The following SCAPER variants were observed in gnomAD, a reference collection of about 807,000 sequenced individuals.
SCAPER encodes S phase cyclin A-associated protein in the endoplasmic reticulum.
Under a neutral mutation model 182.2 loss-of-function variants are expected in SCAPER, and 98 were observed. The observed-to-expected ratio is 0.54, with a 90% CI of 0.46 to 0.64. The LOEUF is 0.64. Ranked by LOEUF, SCAPER falls within the 30% of genes least tolerant of loss-of-function variation. The probability of loss-of-function intolerance (pLI) is 0.00; values close to 1 mark genes in which losing one functional copy is unlikely to be tolerated. For missense variants in SCAPER, 1,432 were observed against 1,690.0 expected (o/e 0.85, Z 2.68); for synonymous variants, 605 against 564.6 (o/e 1.07, Z -1.01).
intron 5 of SCAPER, among the ~76,000 whole-genome samples, chr15:76,832,562 TTA>T (rs1459792394): frequency 6.6e-6 from 1 of 152,220 alleles, no homozygotes; most frequent in Admixed American, 6.5e-5. Context: ...ATTTGAGGAA[TTA>T]TACGGTTGGA....
intron 21 of SCAPER, among the ~76,000 whole-genome samples, chr15:76,661,155 C>T (rs2056122582): frequency 6.6e-6 from 1 of 152,054 alleles, no homozygotes; most frequent in African/African-American, 2.4e-5. Context: ...AAAATCCCAA[C>T]AGGCTTTCTT....
At chr15:76,659,830 G>A (rs1259047148) in intron 21 of SCAPER, among the ~76,000 whole-genome samples, 1 of 152,178 alleles carries the variant, frequency 6.6e-6, no homozygotes, top group East Asian at 1.9e-4. Context: ...ATTGTGCAGA[G>A]CAGTCTGTAG....
chr15:76,832,809 T>G (rs1246092588), intron 5 of SCAPER, among the ~76,000 whole-genome samples: 1 of 152,188 alleles, frequency 6.6e-6, no homozygotes, highest in African/African-American at 2.4e-5. Context: ...CCGTTTTGCC[T>G]TCTGCCATGA....
At position 76,434,326 on chromosome 15, in the gene SCAPER, G is replaced by A; in HGVS notation, c.3079-16C>T. 1 of 1,558,046 alleles carries A rather than the reference G, an allele frequency of 6.4e-7. No homozygotes were observed. Among genetic ancestry groups the A allele is most frequent in the Non-Finnish European group, 8.8e-7 (1 of 1,138,380 alleles). The stretch of plus-strand genomic sequence containing the variant: ...GAACATAAACCTAGATGAAAAAAAA[G>A]TACAGTAAATATGTTTCAATAAAAC... On this transcript the variant is annotated splice_polypyrimidine_tract_variant and intron_variant, in intron 25 of 31. Transcript: ENST00000563290.
At chr15:76,542,027 G>A (rs12594541) in intron 23 of SCAPER, among the ~76,000 whole-genome samples, 70,962 of 151,992 alleles carry the variant, frequency 0.47, 18,072 homozygotes, top group Middle Eastern at 0.63. Flanking sequence ...AAGCTATTTC[G>A]GAAAAATCTG....
intron 24 of SCAPER, among the ~76,000 whole-genome samples, chr15:76,496,763 A>AT (rs1489438244): frequency 1.3e-5 from 2 of 152,150 alleles, no homozygotes; most frequent in East Asian, 3.8e-4. Flanking sequence ...AACGGTGGGC[A>AT]TTTATTCATT....
intron 25 of SCAPER, among the ~76,000 whole-genome samples, chr15:76,449,851 G>T (rs2048254339): frequency 6.6e-6 from 1 of 152,126 alleles, no homozygotes; most frequent in Non-Finnish European, 1.5e-5. Context: ...TGGAACAGCT[G>T]ATCTTTACTT....
intron 24 of SCAPER, 22 bp from the exon 25 acceptor site, chr15:76,471,357 C>T (rs1226901258): frequency 6.3e-7 from 1 of 1,586,700 alleles, no homozygotes; most frequent in Admixed American, 1.8e-5. Flanking sequence ...AGAAAAACAC[C>T]ATTTATAAAA....
rs1310361974 is a variant in SCAPER at position 76,592,314 on chromosome 15, C to G, written c.2712-18030G>C. Among the ~76,000 whole-genome samples, 2 of 66,394 alleles carry G rather than the reference C, an allele frequency of 3.0e-5. 1 individual carries two copies. Among genetic ancestry groups the G allele is most frequent in the African/African-American group, 6.3e-5 (2 of 31,992 alleles). 43.6% of individuals were successfully genotyped at this position (66,394 alleles called of 152,430 possible). On this transcript the variant is annotated intron_variant, in intron 22 of 31. Coordinates refer to ENST00000563290, the MANE Select transcript of SCAPER (RefSeq NM_020843.4). Reference sequence around the variant, plus strand: ...ATGTAATTGTTAAAGCAGAGTTAGGCCAACTACAGCCCACAGCCCACTGCT... The same window carrying G: ...ATGTAATTGTTAAAGCAGAGTTAGGGCAACTACAGCCCACAGCCCACTGCT...
At chr15:76,823,039 G>C (rs144117227) in intron 5 of SCAPER, among the ~76,000 whole-genome samples, 215 of 152,226 alleles carry the variant, frequency 1.4e-3, no homozygotes, top group African/African-American at 5.1e-3. Context: ...AAAATGTCAA[G>C]CAGCTATAAA....
At chr15:76,669,041 T>C (rs145509794) in intron 20 of SCAPER, among the ~76,000 whole-genome samples, 2 of 152,230 alleles carry the variant, frequency 1.3e-5, no homozygotes, top group Admixed American at 6.5e-5. Context: ...GCCAAAACCA[T>C]GACTGAGTGA....
chr15:76,533,670 T>C (rs1377305585), intron 23 of SCAPER, among the ~76,000 whole-genome samples: 5 of 151,840 alleles, frequency 3.3e-5, no homozygotes, highest in African/African-American at 1.2e-4. Context: ...ATGTTAAAAT[T>C]ATTACACATT....
At chr15:76,545,326 C>T (rs1014752729) in intron 23 of SCAPER, among the ~76,000 whole-genome samples, 5 of 152,108 alleles carry the variant, frequency 3.3e-5, no homozygotes, top group Non-Finnish European at 7.4e-5. Flanking sequence ...CTGGCTCATC[C>T]TGAACATTCT....
intron 1 of SCAPER, among the ~76,000 whole-genome samples, chr15:76,902,355 G>T (rs2152633373): frequency 6.6e-6 from 1 of 152,342 alleles, no homozygotes; most frequent in Non-Finnish European, 1.5e-5. Context: ...GCCAAGGGGA[G>T]CATGGGCTGA....
chr15:76,677,420 A>G (rs1368269254), intron 20 of SCAPER, among the ~76,000 whole-genome samples: 3 of 152,080 alleles, frequency 2.0e-5, no homozygotes, highest in Non-Finnish European at 4.4e-5. Flanking sequence ...TCTGCAACTC[A>G]TGACTGACTG....
Position 76,833,874 on chromosome 15 carries a change from AC to A in SCAPER, c.393+7859del, listed in dbSNP as rs1206374987. Among the ~76,000 whole-genome samples the A allele has an allele frequency of 3.3e-5, 5 of 152,326 alleles. No individual in the cohort carries two copies. The East Asian group carries it at 9.6e-4, about 29-fold the overall frequency. On this transcript the variant is annotated intron_variant, in intron 5 of 31. Transcript: ENST00000563290. The stretch of plus-strand genomic sequence containing the variant: ...AGATTCATGACATAAGTTCTCAGAG[AC>A]CTATGAAGAGACTTAGATAACCACA...
chr15:76,532,961 T>G (rs190821439), intron 23 of SCAPER, among the ~76,000 whole-genome samples: 457 of 152,346 alleles, frequency 3.0e-3, no homozygotes, highest in Non-Finnish European at 4.2e-3. Flanking sequence ...AGAACACTGC[T>G]TTGCACTAGT....
At chr15:76,681,742 C>T (rs2629021) in intron 20 of SCAPER, among the ~76,000 whole-genome samples, 23,312 of 152,096 alleles carry the variant, frequency 0.15, 2,013 homozygotes, top group African/African-American at 0.24. Flanking sequence ...CAGCAGAAGA[C>T]ATCACAACTA....
intron 23 of SCAPER, among the ~76,000 whole-genome samples, chr15:76,561,594 A>G (rs1008310785): frequency 1.3e-5 from 2 of 152,098 alleles, no homozygotes; most frequent in African/African-American, 4.8e-5. Context: ...GTTTTAGGGA[A>G]GGGTGGTTAA....
Sources: gnomAD v4.1 joint callset for allele counts (sites outside exome capture counted in the v4.1 genomes callset) on GRCh38, gnomAD v4.1.1 for gene constraint, MANE v1.5 for transcripts, NCBI Gene and HGNC (gene_info 2026-07-23, HGNC 2026-07-21) for gene names.